The following XKR9 variants were observed in gnomAD, a reference collection of about 807,000 sequenced individuals.
XKR9 encodes XK-related protein 9.
A neutral mutation model predicts 32.0 loss-of-function variants in XKR9; 32 were observed. That is an observed-to-expected ratio of 1.00 (90% CI 0.76 to 1.34). The LOEUF (loss-of-function observed/expected upper bound fraction) is 1.34. XKR9 is among the 40% of genes most tolerant of loss of function. The pLI is 0.00. For missense variants in XKR9, 546 were observed against 429.7 expected, an observed-to-expected ratio of 1.27 and a Z score of -2.39; for synonymous variants, 168 against 143.4, an observed-to-expected ratio of 1.17 and a Z score of -1.22.
chr8:70,701,048 T>C (rs1430219932), intron 3 of XKR9, among the ~76,000 whole-genome samples: 1 of 152,194 alleles, frequency 6.6e-6, no homozygotes, highest in Non-Finnish European at 1.5e-5. Context: ...AAAAGCGCAG[T>C]ATTCGGGTGG....
chr8:70,962,146 C>T, the XKR9 span, among the ~76,000 whole-genome samples: 1 of 152,046 alleles, frequency 6.6e-6, no homozygotes, highest in Non-Finnish European at 1.5e-5. Flanking sequence ...TAAGCTATAA[C>T]AAAGGTAGTT....
chr8:71,016,144 G>A, the XKR9 span, among the ~76,000 whole-genome samples: 2 of 151,924 alleles, frequency 1.3e-5, no homozygotes, highest in Non-Finnish European at 2.9e-5. Flanking sequence ...AAATATAATA[G>A]CAATTTTATT....
the XKR9 span, among the ~76,000 whole-genome samples, chr8:70,906,010 C>A: frequency 6.6e-6 from 1 of 152,128 alleles, no homozygotes; most frequent in Non-Finnish European, 1.5e-5. Context: ...GGAGGGGCAC[C>A]CAGCTGTATG....
chr8:70,859,626 T>A, the XKR9 span, among the ~76,000 whole-genome samples: 1 of 152,200 alleles, frequency 6.6e-6, no homozygotes, highest in South Asian at 2.1e-4. Context: ...TAAAGTATGG[T>A]ATATATACAC....
the XKR9 span, among the ~76,000 whole-genome samples, chr8:70,957,829 C>T: frequency 2.2e-4 from 30 of 134,096 alleles, no homozygotes; most frequent in Non-Finnish European, 3.9e-4. Flanking sequence ...TCACTCTTGC[C>T]CAGGCTGGAG....
At chr8:70,874,598 A>T in the XKR9 span, among the ~76,000 whole-genome samples, 1 of 152,192 alleles carries the variant, frequency 6.6e-6, no homozygotes, top group African/African-American at 2.4e-5. Flanking sequence ...TATTTGACTA[A>T]TTCTTTAGGA....
At chr8:71,030,439 A>G in the XKR9 span, among the ~76,000 whole-genome samples, 3 of 152,324 alleles carry the variant, frequency 2.0e-5, no homozygotes, top group South Asian at 4.1e-4. Context: ...GCTCGGAAAT[A>G]TAGCAAAAGT....
the XKR9 span, among the ~76,000 whole-genome samples, chr8:70,844,472 A>G: frequency 3.9e-5 from 6 of 152,192 alleles, no homozygotes; most frequent in Non-Finnish European, 5.9e-5. Context: ...ACGCTTGTAC[A>G]TGCCCTGAAC....
chr8:70,800,267 A>G, the XKR9 span, among the ~76,000 whole-genome samples: 2 of 152,108 alleles, frequency 1.3e-5, no homozygotes, highest in East Asian at 3.8e-4. Context: ...ATTTGCTAGT[A>G]TTTTGTTGAG....
the XKR9 span, among the ~76,000 whole-genome samples, chr8:71,001,966 C>A: frequency 6.6e-6 from 1 of 152,034 alleles, no homozygotes; most frequent in Non-Finnish European, 1.5e-5. Context: ...ATGAGATCAG[C>A]CTTAAAAAGG....
chr8:70,777,407 C>T (rs1029069211), intron 2 of XKR9, among the ~76,000 whole-genome samples: 16 of 152,094 alleles, frequency 1.1e-4, no homozygotes, highest in Non-Finnish European at 2.2e-4. Flanking sequence ...AATTGTGCTG[C>T]AATAAACATA....
chr8:70,805,664 C>G, the XKR9 span, among the ~76,000 whole-genome samples: 1 of 152,182 alleles, frequency 6.6e-6, no homozygotes, highest in African/African-American at 2.4e-5. Context: ...CCTCTTCAGG[C>G]GTGACCCTGA....
the XKR9 span, among the ~76,000 whole-genome samples, chr8:70,822,960 C>G: frequency 1.3e-5 from 2 of 152,278 alleles, no homozygotes; most frequent in South Asian, 4.1e-4. Context: ...GTGCATAACA[C>G]TTCATCCATT....
the XKR9 span, among the ~76,000 whole-genome samples, chr8:70,951,660 G>C: frequency 2.6e-5 from 4 of 152,198 alleles, no homozygotes; most frequent in African/African-American, 9.7e-5. Context: ...CAAACACAAA[G>C]CCTCCAGCAG....
chr8:70,811,382 T>A, the XKR9 span, among the ~76,000 whole-genome samples: 2 of 151,964 alleles, frequency 1.3e-5, no homozygotes, highest in African/African-American at 4.8e-5. Context: ...TTAAAAGAAC[T>A]AGAGAAGCAA....
chr8:70,759,738 T>A (rs1041450147), intron 2 of XKR9, among the ~76,000 whole-genome samples: 13 of 152,236 alleles, frequency 8.5e-5, no homozygotes, highest in African/African-American at 3.1e-4. Context: ...GCTCACCTGA[T>A]GGACCACAAA....
At chr8:70,907,343 G>C in the XKR9 span, among the ~76,000 whole-genome samples, 1 of 152,110 alleles carries the variant, frequency 6.6e-6, no homozygotes, top group Admixed American at 6.6e-5. Flanking sequence ...CAGTTAAAAA[G>C]TTAATAGTGA....
At chr8:70,794,781 T>C (rs1807807329), downstream of XKR9, among the ~76,000 whole-genome samples, 1 of 151,334 alleles carries the variant, frequency 6.6e-6, no homozygotes, top group Non-Finnish European at 1.5e-5. Context: ...TTAAGGATTT[T>C]TGTGTCTATA....
In XKR9 at chr8:70,681,109, C is replaced by T. The variant is rs1819064349; in HGVS notation, c.51C>T (p.Ile17=). The T allele has an allele frequency of 2.5e-6, 4 of 1,613,036 alleles. No homozygotes were observed. Among genetic ancestry groups the T allele is most frequent in the Non-Finnish European group, 3.4e-6 (4 of 1,179,408 alleles). The change falls in exon 3 of 5, where the codon ATC becomes ATT. Residue 17 remains isoleucine, a synonymous_variant. Transcript: ENST00000408926. ...NFMMSVLGII[I]YVTDLIVDIW... ...TGATGTCAGTTCTTGGCATTATAAT[C>T]TACGTAACTGATTTAATTGTGGACA...
Sources: gnomAD v4.1 joint callset for allele counts (sites outside exome capture counted in the v4.1 genomes callset) on GRCh38, gnomAD v4.1.1 for gene constraint, MANE v1.5 for transcripts, NCBI Gene and HGNC (gene_info 2026-07-23, HGNC 2026-07-21) for gene names.